The following GTPBP1 variants were observed in gnomAD, a reference collection of about 807,000 sequenced individuals.
GTPBP1 encodes GTP-binding protein 1.
A neutral mutation model predicts 62.0 loss-of-function variants in GTPBP1; 23 were observed. The observed-to-expected ratio is 0.37, with a 90% CI of 0.27 to 0.53. GTPBP1 has a LOEUF of 0.53. Among genes scored for constraint, GTPBP1 ranks in the 20% least tolerant of loss-of-function variants. GTPBP1 has a pLI of 0.89. For synonymous variants in GTPBP1, 344 were observed against 364.4 expected (o/e 0.94, Z 0.64); for missense variants, 640 against 917.3 (o/e 0.70, Z 3.90).
chr22:38,738,596 G>T, downstream of GTPBP1: 1 of 1,612,802 alleles, frequency 6.2e-7, no homozygotes, highest in Non-Finnish European at 8.5e-7. This position sits in a 1 kb window ranked among gnomAD's most constrained non-coding sequence, Gnocchi z 6.6. Flanking sequence ...CAAAGATGGC[G>T]AAGTCCTTGG....
chr22:38,729,679 C>T lies in GTPBP1; in HGVS notation c.1917+17C>T, dbSNP rs374607871. The T allele has an allele frequency of 2.0e-5, 29 of 1,449,004 alleles. No homozygotes were observed. The highest frequency in any genetic ancestry group is 5.2e-5 in the East Asian group (2 of 38,236). 89.8% of individuals were successfully genotyped at this position (1,449,004 alleles called of 1,614,324 possible). A position where few individuals can be genotyped will look rare whatever the true frequency, so the allele number is the denominator to read the frequency against. ...CAGCCTCAGGTGAGCACGGGCCCCTCGCAGCTTCGGCATGGTGGTGGGGGC... is the reference window on the plus strand; with the variant it reads ...CAGCCTCAGGTGAGCACGGGCCCCTTGCAGCTTCGGCATGGTGGTGGGGGC... On this transcript the variant is annotated intron_variant, in intron 11 of 11. Transcript: ENST00000216044.
chr22:38,729,568 C>G lies in GTPBP1; in HGVS notation c.1823C>G (p.Ser608Cys). 1 of 1,598,578 alleles carries G rather than the reference C, an allele frequency of 6.3e-7. No individual in the cohort carries two copies. The highest frequency in any genetic ancestry group is 1.1e-5 in the South Asian group (1 of 89,138). ...ACGAAACGAGACGAGGGGGGCCCGT[C>G]TGGTGGGCCAGCAGTAGGAGCACCC... ...PLTKRDEGGP[S>C]GGPAVGAPPP... Residue 608 changes from serine to cysteine, a missense_variant, in exon 11 of 12, where the codon TCT (serine) becomes TGT (cysteine). Coordinates refer to ENST00000216044, the MANE Select transcript of GTPBP1 (RefSeq NM_004286.5).
chr22:38,712,072 G>C (rs890721716), intron 2 of GTPBP1, among the ~76,000 whole-genome samples: 1 of 151,856 alleles, frequency 6.6e-6, no homozygotes. Flanking sequence ...TTAGAGACGG[G>C]GTTTCACCAT....
chr22:38,723,859 GA>G (rs1301543656), intron 5 of GTPBP1, among the ~76,000 whole-genome samples: 3 of 152,198 alleles, frequency 2.0e-5, no homozygotes, highest in Non-Finnish European at 4.4e-5. Context: ...AAAGATTGTA[GA>G]AAAGTATCCC....
intron 11 of GTPBP1, 57 bp downstream of exon 11, chr22:38,729,719 T>C (rs2145886834): frequency 7.7e-7 from 1 of 1,303,092 alleles, no homozygotes; most frequent in African/African-American, 1.5e-5. Flanking sequence ...GCTTTTACTC[T>C]GATTCGGTGA....
rs775108220 is a variant in GTPBP1 at position 38,727,813 on chromosome 22, G to C, written c.1538-170G>C. On this transcript the variant is annotated intron_variant, in intron 9 of 11. Coordinates refer to ENST00000216044, the MANE Select transcript of GTPBP1 (RefSeq NM_004286.5). This position sits in a 1 kb window ranked among gnomAD's most constrained non-coding sequence, Gnocchi z 6.5. Reference sequence around the variant, plus strand: ...TAGCTGGAGGAAAAGGTGGGAGATGGTAAGGCAGGATCAGAGCCAAGAACA... The same window carrying C: ...TAGCTGGAGGAAAAGGTGGGAGATGCTAAGGCAGGATCAGAGCCAAGAACA... 2.1e-4 allele frequency among the ~76,000 whole-genome samples: 32 copies of C among 152,206 alleles called. No homozygotes were observed. Among genetic ancestry groups the C allele is most frequent in the Non-Finnish European group, 4.6e-4 (31 of 68,034 alleles).
In GTPBP1 at chr22:38,716,078, T is replaced by G; in HGVS notation, c.476T>G (p.Leu159Arg). 6.3e-7 allele frequency: 1 copy of G among 1,595,914 alleles called. No individual in the cohort carries two copies. Among genetic ancestry groups the G allele is most frequent in the Middle Eastern group, 1.7e-4 (1 of 6,036 alleles). The change falls in exon 3 of 12, where the codon CTG becomes CGG. Residue 159 changes from leucine (L) to arginine (R), a missense_variant. Leu to Arg is a moderately radical substitution (Grantham distance 102). Coordinates refer to ENST00000216044, the MANE Select transcript of GTPBP1 (RefSeq NM_004286.5). This position sits in a 1 kb window ranked among gnomAD's most constrained non-coding sequence, Gnocchi z 5.2. Reference sequence around the variant, plus strand: ...AAACGAGTAGGAGACAATGACTTCCTGGAGGTCAGGTGAGGAGGCCGCGGG... The same window carrying G: ...AAACGAGTAGGAGACAATGACTTCCGGGAGGTCAGGTGAGGAGGCCGCGGG... The part of the protein sequence containing the change: ...VRKRVGDNDF[L>R]EVRVAVVGNV...
In GTPBP1 at chr22:38,727,361, G is replaced by A. The variant is rs1357474503; in HGVS notation, c.1537+13G>A. The stretch of plus-strand genomic sequence containing the variant: ...TACCAGGCCATGGGTAGGTGTCTAA[G>A]GCCCTGCCAGCCCAGGAGGCCGTCG... On this transcript the variant is annotated intron_variant, in intron 9 of 11. Transcript: ENST00000216044. This position sits in a 1 kb window ranked among gnomAD's most constrained non-coding sequence, Gnocchi z 6.5. 1 of 1,539,520 alleles carries A rather than the reference G, an allele frequency of 6.5e-7. No homozygotes were observed. Among genetic ancestry groups the A allele is most frequent in the Non-Finnish European group, 8.8e-7 (1 of 1,141,398 alleles).
rs1281962677 is a variant in GTPBP1, at chr22:38,716,464, C to T, written c.486-188C>T. ...AGCCGCTGTGGGAGTCTGGGCCCTT[C>T]TGATGACTCTACAGCAGCAGCTCTA... On this transcript the variant is annotated intron_variant, in intron 3 of 11. Transcript: ENST00000216044. The surrounding 1 kb of genome is among the most constrained non-coding windows in gnomAD (Gnocchi z 5.2). Among the ~76,000 whole-genome samples the T allele has an allele frequency of 6.6e-6, 1 of 152,140 alleles. No homozygotes were observed. Among genetic ancestry groups the T allele is most frequent in the Non-Finnish European group, 1.5e-5 (1 of 68,032 alleles).
At chr22:38,715,264 G>A (rs1937822068) in intron 2 of GTPBP1, among the ~76,000 whole-genome samples, 1 of 152,156 alleles carries the variant, frequency 6.6e-6, no homozygotes, top group Non-Finnish European at 1.5e-5. Flanking sequence ...GGTGCAGAAG[G>A]TGTGTCGCTG....
At chr22:38,719,375 G>A (rs1485579120) in intron 4 of GTPBP1, among the ~76,000 whole-genome samples, 1 of 152,006 alleles carries the variant, frequency 6.6e-6, no homozygotes, top group East Asian at 1.9e-4. Flanking sequence ...TGGTGCGACT[G>A]TAGTTCACTA....
Position 38,724,373 on chromosome 22 carries a change from T to G in GTPBP1, c.1035T>G (p.Asp345Glu). The G allele has an allele frequency of 3.1e-6, 5 of 1,612,990 alleles. No homozygotes were observed. Among genetic ancestry groups the G allele is most frequent in the Non-Finnish European group, 4.2e-6 (5 of 1,179,004 alleles). ...TCCCCGTGCTGGTGCAGAGCAAAGA[T>G]GATGTGATTGTCACAGCCTCCAACT... ...RKIPVLVQSK[D>E]DVIVTASNFS... is the part of the protein sequence containing the mutation. The change falls in exon 6 of 12, where the codon GAT (aspartate) becomes GAG (glutamate). Residue 345 changes from aspartate (D) to glutamate (E), a missense_variant. Asp to Glu is a conservative substitution (Grantham distance 45). Transcript: ENST00000216044.
At position 38,730,961 on chromosome 22, in the gene GTPBP1, TGG is replaced by T; in HGVS notation, c.*259_*260del. ...CTCACTCACACATTTTTTGTACATC[TGG>T]GCCCTTAGTTTTTATTCTGTTTATT... On this transcript the variant is annotated 3_prime_UTR_variant, in exon 12 of 12. Coordinates refer to ENST00000216044, the MANE Select transcript of GTPBP1 (RefSeq NM_004286.5). This position sits in a 1 kb window ranked among gnomAD's most constrained non-coding sequence, Gnocchi z 5.6. 3.9e-6 allele frequency: 2 copies of T among 508,864 alleles called. No homozygotes were observed. The highest frequency in any genetic ancestry group is 5.0e-5 in the South Asian group (2 of 39,946). 31.5% of individuals were successfully genotyped at this position (508,864 alleles called of 1,614,324 possible). A position where few individuals can be genotyped will look rare whatever the true frequency, so the allele number is the denominator to read the frequency against.
intron 1 of GTPBP1, chr22:38,706,473 G>C (rs1308780586): frequency 1.4e-5 from 3 of 215,938 alleles, no homozygotes; most frequent in Non-Finnish European, 2.7e-5. Flanking sequence ...CGCGTTCCCT[G>C]TCCCCGCTCA....
chr22:38,710,150 G>T (rs1249902272), intron 2 of GTPBP1, among the ~76,000 whole-genome samples: 1 of 152,252 alleles, frequency 6.6e-6, no homozygotes, highest in Non-Finnish European at 1.5e-5. Flanking sequence ...TTTCTTTGCT[G>T]AATGTAGGCT....
At chr22:38,720,487 C>T (rs1469299726) in intron 4 of GTPBP1, among the ~76,000 whole-genome samples, 1 of 152,088 alleles carries the variant, frequency 6.6e-6, no homozygotes, top group Non-Finnish European at 1.5e-5. Flanking sequence ...ACCTTGGCCT[C>T]CCAAAGTGCT....
At chr22:38,738,332 C>A, downstream of GTPBP1, 1 of 1,361,432 alleles carries the variant, frequency 7.3e-7, no homozygotes, top group Non-Finnish European at 1.0e-6. This position sits in a 1 kb window ranked among gnomAD's most constrained non-coding sequence, Gnocchi z 6.6. Flanking sequence ...CCACTCCAAT[C>A]CCTGCTCCTC....
At position 38,708,863 on chromosome 22, in the gene GTPBP1, A is replaced by G. The variant is rs763434391; in HGVS notation, c.211A>G (p.Thr71Ala). The change falls in exon 2 of 12, where the codon ACA becomes GCA. Residue 71 changes from threonine (T) to alanine (A), a missense_variant. Physicochemically the swap from Thr to Ala is moderately conservative, Grantham distance 58. Transcript: ENST00000216044. ...TTTCTAGCTGGTTCTAGTGAGCCCTACATCAGAGCAGTATGACAGCCTACT... is the reference window on the plus strand; with the variant it reads ...TTTCTAGCTGGTTCTAGTGAGCCCTGCATCAGAGCAGTATGACAGCCTACT... The part of the protein sequence containing the change: ...LTSKLVLVSP[T>A]SEQYDSLLRQ... 3.7e-6 allele frequency: 6 copies of G among 1,606,650 alleles called. No individual in the cohort carries two copies. In the Admixed American group the frequency reaches 8.3e-5, roughly 22 times the overall value.
Position 38,716,958 on chromosome 22 carries a change from C to T in GTPBP1, c.792C>T (p.Val264=). 6.2e-7 allele frequency: 1 copy of T among 1,613,428 alleles called. No homozygotes were observed. Among genetic ancestry groups the T allele is most frequent in the Non-Finnish European group, 8.5e-7 (1 of 1,179,396 alleles). The part of the protein sequence containing the change: ...AGHEKYLKTT[V]FGMTGHLPDF... ...ATGAGAAGTACCTGAAAACCACTGT[C>T]TTCGGCATGACAGGCCATCTGCCTG... is the stretch of plus-strand genomic sequence containing the variant. The change falls in exon 4 of 12, where the codon GTC becomes GTT. Residue 264 remains valine, a synonymous_variant. Coordinates refer to ENST00000216044, the MANE Select transcript of GTPBP1 (RefSeq NM_004286.5). The surrounding 1 kb of genome is among the most constrained non-coding windows in gnomAD (Gnocchi z 5.2).
Sources: allele counts gnomAD v4.1 joint callset (sites outside exome capture counted in the v4.1 genomes callset), GRCh38; gene constraint gnomAD v4.1.1; non-coding constraint Gnocchi (gnomAD v3.1); transcripts MANE v1.5; gene names NCBI Gene and HGNC (gene_info 2026-07-23, HGNC 2026-07-21).